NCOA1: variants seen among roughly 807,000 people sequenced by gnomAD.
The protein encoded by NCOA1 is Hin-2 protein.
Under a neutral mutation model 150.9 loss-of-function variants are expected in NCOA1, and 35 were observed. The observed-to-expected ratio is 0.23, with a 90% CI of 0.18 to 0.31. The LOEUF (loss-of-function observed/expected upper bound fraction) is 0.31. Ranked by LOEUF, NCOA1 falls within the 10% of genes least tolerant of loss-of-function variation. The pLI is 1.00. For missense variants in NCOA1, 1,491 were observed against 1,749.3 expected, an observed-to-expected ratio of 0.85 and a Z score of 2.63; for synonymous variants, 590 against 630.0, an observed-to-expected ratio of 0.94 and a Z score of 0.95.
At position 24,707,738 on chromosome 2, in the gene NCOA1, T is replaced by A; in HGVS notation, c.2268T>A (p.Asp756Glu). Reference protein sequence around the residue: ...HQLLRYLLDKDEKDLRSTPNL... With the variant: ...HQLLRYLLDKEEKDLRSTPNL... ...TCCTACGCTATCTTTTAGATAAAGA[T>A]GAGAAAGATTTAAGATCAACTCCAA... The change falls in exon 13 of 23, where the codon GAT becomes GAA. Residue 756 changes from aspartate to glutamate, a missense_variant. Asp to Glu is a conservative substitution (Grantham distance 45). Coordinates refer to ENST00000348332, the MANE Select transcript of NCOA1 (RefSeq NM_003743.5). The A allele has an allele frequency of 1.2e-6, 2 of 1,614,174 alleles. No homozygotes were observed. Among genetic ancestry groups the A allele is most frequent in the Non-Finnish European group, 1.7e-6 (2 of 1,180,036 alleles).
chr2:24,519,764 C>G (rs2148131939), intron 1 of NCOA1, among the ~76,000 whole-genome samples: 1 of 151,930 alleles, frequency 6.6e-6, no homozygotes, highest in South Asian at 2.1e-4. Context: ...AAGTTGGAGG[C>G]TGCAGTGAGC....
intron 1 of NCOA1, among the ~76,000 whole-genome samples, chr2:24,507,435 GTTTTTTT>G (rs10651704): frequency 7.9e-6 from 1 of 126,526 alleles, no homozygotes; most frequent in African/African-American, 3.0e-5. Context: ...GAGCTGCTGG[GTTTTTTT>G]TTTTTTTTTT....
At chr2:24,567,751 T>C (rs1429666614) in intron 2 of NCOA1, among the ~76,000 whole-genome samples, 1 of 152,198 alleles carries the variant, frequency 6.6e-6, no homozygotes, top group African/African-American at 2.4e-5. Flanking sequence ...AATTTCTTGT[T>C]TATCAATTTC....
At chr2:24,510,486 G>A (rs1324355876) in intron 1 of NCOA1, among the ~76,000 whole-genome samples, 3 of 152,140 alleles carry the variant, frequency 2.0e-5, no homozygotes, top group Non-Finnish European at 4.4e-5. Context: ...GGGACTACAG[G>A]CATGCACTAC....
chr2:24,713,205 T>C (rs1462733230), intron 14 of NCOA1, among the ~76,000 whole-genome samples: 1 of 152,098 alleles, frequency 6.6e-6, no homozygotes, highest in Non-Finnish European at 1.5e-5. Flanking sequence ...CACTCCAGCC[T>C]GGGCGACAAG....
Position 24,520,857 on chromosome 2 carries a change from A to G in NCOA1, c.-396+29255A>G, listed in dbSNP as rs1456161342. 2.0e-5 allele frequency among the ~76,000 whole-genome samples: 3 copies of G among 152,160 alleles called. No homozygotes were observed. The East Asian group carries it at 5.8e-4, about 29-fold the overall frequency. ...TGTGTAGTGTCCTACAAAGCTCTATATGATCTGGCCCTTGTTGTCTTTCTG... is the reference window on the plus strand; with the variant it reads ...TGTGTAGTGTCCTACAAAGCTCTATGTGATCTGGCCCTTGTTGTCTTTCTG... On this transcript the variant is annotated intron_variant, in intron 1 of 22. Coordinates refer to ENST00000348332, the MANE Select transcript of NCOA1 (RefSeq NM_003743.5).
chr2:24,637,232 C>A (rs1426427548), intron 3 of NCOA1, among the ~76,000 whole-genome samples: 1 of 102,016 alleles, frequency 9.8e-6, no homozygotes, highest in Non-Finnish European at 1.9e-5. Context: ...TCCCTCCCCC[C>A]TCCCCCCACC....
At position 24,614,199 on chromosome 2, in the gene NCOA1, C is replaced by CTTTTTTTTTTTTTTTTTTT. The variant is rs869113477; in HGVS notation, c.-175+29653_-175+29671dup. ...CCTATTGTATCGATTCATTTCCATT[C>CTTTTTTTTTTTTTTTTTTT]TTTTTTTTTTTTTTTTTTTTTTTTT... On this transcript the variant is annotated intron_variant, in intron 3 of 22. Coordinates refer to ENST00000348332, the MANE Select transcript of NCOA1 (RefSeq NM_003743.5). Among the ~76,000 whole-genome samples, 77 of 9,172 alleles carry CTTTTTTTTTTTTTTTTTTT rather than the reference C, an allele frequency of 8.4e-3. 22 individuals are homozygous for CTTTTTTTTTTTTTTTTTTT. Among genetic ancestry groups the CTTTTTTTTTTTTTTTTTTT allele is most frequent in the Non-Finnish European group, 0.012 (60 of 5,034 alleles). The allele number at this position is 9,172 out of a possible 152,430, so 6.0% of individuals were successfully genotyped here. A position where few individuals can be genotyped will look rare whatever the true frequency, so the allele number is the denominator to read the frequency against.
rs766180484 is a variant in NCOA1 at position 24,582,931 on chromosome 2, C to T, written c.-259-1545C>T. 4.6e-5 allele frequency among the ~76,000 whole-genome samples: 7 copies of T among 152,210 alleles called. No homozygotes were observed. In the South Asian group the frequency reaches 1.0e-3, roughly 23 times the overall value. ...ATGAAACTAGACCCTCATCTCTCAT[C>T]GTATACAAAAATCAACTCCAAATGG... is the stretch of plus-strand genomic sequence containing the variant. On this transcript the variant is annotated intron_variant, in intron 2 of 22. Transcript: ENST00000348332.
intron 1 of NCOA1, among the ~76,000 whole-genome samples, chr2:24,527,206 A>G (rs996661059): frequency 5.9e-5 from 9 of 152,292 alleles, no homozygotes; most frequent in African/African-American, 2.2e-4. Context: ...TTGAGCAAAA[A>G]TCCTGAGTAA....
At chr2:24,735,500 G>A (rs1238512836) in intron 17 of NCOA1, among the ~76,000 whole-genome samples, 2 of 151,926 alleles carry the variant, frequency 1.3e-5, no homozygotes, top group Non-Finnish European at 2.9e-5. Flanking sequence ...TGAATTTTAA[G>A]GTCAGTTTAA....
At chr2:24,737,862 G>T (rs527645602) in intron 17 of NCOA1, among the ~76,000 whole-genome samples, 2 of 152,284 alleles carry the variant, frequency 1.3e-5, no homozygotes, top group South Asian at 4.1e-4. Flanking sequence ...ACTTTATACA[G>T]TATCTTGAAT....
chr2:24,694,714 T>G (rs1355256689), intron 10 of NCOA1, among the ~76,000 whole-genome samples: 1 of 152,150 alleles, frequency 6.6e-6, no homozygotes, highest in Non-Finnish European at 1.5e-5. Context: ...GAGTCTACCA[T>G]GTATTATGTT....
At chr2:24,554,446 G>C (rs1342633263) in intron 1 of NCOA1, 1 of 152,090 alleles carries the variant, frequency 6.6e-6, no homozygotes, top group African/African-American at 2.4e-5. Flanking sequence ...TCTCTAATGA[G>C]AGAGAGGGGA....
chr2:24,750,747 C>T (rs897167153), intron 19 of NCOA1, among the ~76,000 whole-genome samples: 2 of 151,862 alleles, frequency 1.3e-5, no homozygotes, highest in African/African-American at 4.8e-5. Flanking sequence ...TAAACTGGAT[C>T]GTGGTAATGG....
chr2:24,567,237 CA>C (rs1265820091), intron 2 of NCOA1, among the ~76,000 whole-genome samples: 5 of 152,204 alleles, frequency 3.3e-5, no homozygotes, highest in Non-Finnish European at 5.9e-5. Context: ...ACGTCCCTGG[CA>C]ATTAGTAGAT....
intron 2 of NCOA1, among the ~76,000 whole-genome samples, chr2:24,573,896 AT>A (rs1666843611): frequency 1.3e-5 from 2 of 151,932 alleles, no homozygotes; most frequent in Non-Finnish European, 2.9e-5. Flanking sequence ...TTAGAAGTAG[AT>A]TAATAGTCTT....
chr2:24,531,783 A>C (rs1389503766), intron 1 of NCOA1, among the ~76,000 whole-genome samples: 1 of 152,178 alleles, frequency 6.6e-6, no homozygotes, highest in Non-Finnish European at 1.5e-5. Flanking sequence ...AAAGGACGTG[A>C]ACTCATCCTT....
At chr2:24,587,615 A>G (rs1667470974) in intron 3 of NCOA1, among the ~76,000 whole-genome samples, 1 of 152,242 alleles carries the variant, frequency 6.6e-6, no homozygotes, top group South Asian at 2.1e-4. Flanking sequence ...CTCTCAAGAT[A>G]CCAATAAAGT....
Sources: gnomAD v4.1 joint callset for allele counts (sites outside exome capture counted in the v4.1 genomes callset) on GRCh38, gnomAD v4.1.1 for gene constraint, MANE v1.5 for transcripts, NCBI Gene and HGNC (gene_info 2026-07-23, HGNC 2026-07-21) for gene names.